SOX5: variants seen among roughly 807,000 people sequenced by gnomAD.
The protein encoded by SOX5 is SRY-box transcription factor 5.
In SOX5, 9 loss-of-function variants were observed where a neutral mutation model predicts 92.0. That is an observed-to-expected ratio of 0.10 (90% CI 0.06 to 0.17). SOX5 has a LOEUF of 0.17. SOX5 is among the 10% of genes least tolerant of loss of function. The pLI is 1.00. For synonymous variants in SOX5, 344 were observed against 336.3 expected (o/e 1.02, Z -0.25); for missense variants, 642 against 944.5 (o/e 0.68, Z 4.20).
chr12:23,915,224 T>C (rs11047161), intron 1 of SOX5, among the ~76,000 whole-genome samples: 58,200 of 151,956 alleles, frequency 0.38, 11,613 homozygotes, highest in Non-Finnish European at 0.43. Context: ...ACATACTGAA[T>C]AAATGCTATC....
At chr12:24,546,688 T>G (rs3112137) in intron 1 of SOX5, among the ~76,000 whole-genome samples, 104,883 of 152,094 alleles carry the variant, frequency 0.69, 37,730 homozygotes, top group Non-Finnish European at 0.81. Flanking sequence ...CAAGGGCAAA[T>G]AATAAGTGGG....
chr12:23,715,878 A>G (rs1365407258), intron 6 of SOX5, among the ~76,000 whole-genome samples: 1 of 152,014 alleles, frequency 6.6e-6, no homozygotes. Flanking sequence ...CAATTAAACA[A>G]CCTTAATCTC....
intron 1 of SOX5, among the ~76,000 whole-genome samples, chr12:24,438,297 G>A (rs1939843829): frequency 6.6e-6 from 1 of 152,154 alleles, no homozygotes; most frequent in Non-Finnish European, 1.5e-5. Flanking sequence ...GGGGTGCCAA[G>A]GGAGGGATAG....
At chr12:24,094,821 T>C (rs1211358060) in intron 4 of SOX5, among the ~76,000 whole-genome samples, 2 of 152,120 alleles carry the variant, frequency 1.3e-5, no homozygotes, top group African/African-American at 2.4e-5. Context: ...AATTCTTCCC[T>C]ACTCTGGCCC....
rs903723299 is a variant in SOX5, at chr12:24,229,143, C to T, written c.-76-15726G>A. On this transcript the variant is annotated intron_variant, in intron 3 of 4. Coordinates refer to the SOX5 transcript ENST00000446891. ...TTGTGGATGGCACACGTTTTGTACA[C>T]GTGCTGCCTCCACCAGCATCAGGCA... 2.0e-5 allele frequency among the ~76,000 whole-genome samples: 3 copies of T among 152,218 alleles called. No individual in the cohort carries two copies. The East Asian group carries it at 5.8e-4, about 29-fold the overall frequency.
chr12:23,671,600 A>C (rs1208630485), intron 6 of SOX5, among the ~76,000 whole-genome samples: 2 of 152,230 alleles, frequency 1.3e-5, no homozygotes, highest in Non-Finnish European at 2.9e-5. Context: ...GACCGCTAAT[A>C]GTCTGATTTT....
intron 10 of SOX5, among the ~76,000 whole-genome samples, chr12:23,564,287 T>G (rs368504715): frequency 9.8e-5 from 15 of 152,352 alleles, no homozygotes; most frequent in African/African-American, 3.4e-4. Flanking sequence ...ATGATCTGCA[T>G]GACATTAGAC....
chr12:23,894,434 G>T (rs929200827), intron 2 of SOX5, among the ~76,000 whole-genome samples: 1 of 151,964 alleles, frequency 6.6e-6, no homozygotes, highest in African/African-American at 2.4e-5. Context: ...CACTATGTTG[G>T]CCAGCTAGTC....
intron 1 of SOX5, among the ~76,000 whole-genome samples, chr12:24,545,033 A>T (rs1952488657): frequency 6.6e-6 from 1 of 152,144 alleles, no homozygotes; most frequent in Non-Finnish European, 1.5e-5. Flanking sequence ...TATATACATG[A>T]TCAGAAAAAT....
intron 2 of SOX5, among the ~76,000 whole-genome samples, chr12:24,295,566 TTTTG>T (rs1223477575): frequency 1.3e-5 from 2 of 152,242 alleles, no homozygotes; most frequent in South Asian, 2.1e-4. Context: ...AGTTCTTGGT[TTTTG>T]TTTGTTTGTT....
At chr12:23,944,161 C>A (rs1944152210) in intron 1 of SOX5, 1 of 152,052 alleles carries the variant, frequency 6.6e-6, no homozygotes, top group Non-Finnish European at 1.5e-5. Context: ...TCCCTATAAA[C>A]AGTTCTCACC....
intron 1 of SOX5, among the ~76,000 whole-genome samples, chr12:24,401,356 G>GAAAAAA (rs1425838279): frequency 1.2e-4 from 18 of 144,190 alleles, no homozygotes; most frequent in Non-Finnish European, 2.3e-4. Flanking sequence ...CATCTCAGGG[G>GAAAAAA]AAAAAAAAAA....
chr12:24,547,091 G>GA (rs933275613), intron 1 of SOX5, among the ~76,000 whole-genome samples: 5 of 149,484 alleles, frequency 3.3e-5, no homozygotes, highest in African/African-American at 7.4e-5. Context: ...AACAATAGGA[G>GA]AAAAAAAATG....
chr12:24,323,983 G>A (rs1346794495), intron 2 of SOX5, among the ~76,000 whole-genome samples: 2 of 152,278 alleles, frequency 1.3e-5, no homozygotes, highest in South Asian at 4.1e-4. Flanking sequence ...AAATGATTAT[G>A]TATAAACAAT....
chr12:24,225,149 C>G (rs1490372578), intron 3 of SOX5, among the ~76,000 whole-genome samples: 1 of 152,146 alleles, frequency 6.6e-6, no homozygotes, highest in Admixed American at 6.5e-5. Context: ...CATTGTGACA[C>G]GAACATACCC....
intron 4 of SOX5, among the ~76,000 whole-genome samples, chr12:24,030,304 A>T: frequency 6.6e-6 from 1 of 151,982 alleles, no homozygotes; most frequent in East Asian, 1.9e-4. Context: ...TATACTACAA[A>T]GTTATAGTAA....
At chr12:23,857,692 T>C (rs1376268808) in intron 2 of SOX5, among the ~76,000 whole-genome samples, 1 of 152,036 alleles carries the variant, frequency 6.6e-6, no homozygotes, top group African/African-American at 2.4e-5. Flanking sequence ...CTATACACAA[T>C]GTGTGATAAT....
chr12:23,743,759 C>T (rs1489126569), intron 4 of SOX5, among the ~76,000 whole-genome samples: 1 of 152,154 alleles, frequency 6.6e-6, no homozygotes, highest in Non-Finnish European at 1.5e-5. Context: ...TAGCCCTCTG[C>T]ATAGGTGGGT....
intron 1 of SOX5, among the ~76,000 whole-genome samples, chr12:24,535,343 A>G (rs1951547270): frequency 6.6e-6 from 1 of 152,216 alleles, no homozygotes; most frequent in South Asian, 2.1e-4. Flanking sequence ...TTTCTATTTA[A>G]AGTACAAATA....
Sources: gnomAD v4.1 joint callset for allele counts (sites outside exome capture counted in the v4.1 genomes callset) on GRCh38, gnomAD v4.1.1 for gene constraint, MANE v1.5 for transcripts, NCBI Gene and HGNC (gene_info 2026-07-23, HGNC 2026-07-21) for gene names.